Variants in THSD7B observed in about 807,000 individuals in gnomAD.
THSD7B encodes the protein thrombospondin type 1 domain containing 7B.
A neutral mutation model predicts 213.6 loss-of-function variants in THSD7B; 138 were observed. That is an observed-to-expected ratio of 0.65 (90% CI 0.56 to 0.74). The LOEUF (loss-of-function observed/expected upper bound fraction) is 0.74. Among genes scored for constraint, THSD7B ranks in the 30% least tolerant of loss-of-function variants. The probability of loss-of-function intolerance (pLI) is 0.00; values close to 1 mark genes in which losing one functional copy is unlikely to be tolerated. For missense variants in THSD7B, 1,931 were observed against 1,991.5 expected, an observed-to-expected ratio of 0.97 and a Z score of 0.58; for synonymous variants, 742 against 687.0, an observed-to-expected ratio of 1.08 and a Z score of -1.25.
At chr2:137,549,681 C>G (rs1314514514) in intron 15 of THSD7B, among the ~76,000 whole-genome samples, 4 of 151,994 alleles carry the variant, frequency 2.6e-5, no homozygotes, top group Non-Finnish European at 5.9e-5. Context: ...ATTAGGAACT[C>G]CTTATTTCCC....
At chr2:137,675,183 G>T (rs189039096) in intron 27 of THSD7B, among the ~76,000 whole-genome samples, 45 of 152,056 alleles carry the variant, frequency 3.0e-4, no homozygotes, top group African/African-American at 1.0e-3. Flanking sequence ...AGGGTGAAAT[G>T]GGGGAGGGAC....
rs756003722 is a variant in THSD7B, at chr2:137,115,286, C to T, written c.1362C>T (p.Ala454=). Residue 454 remains alanine, a synonymous_variant, in exon 5 of 28, where the codon GCC becomes GCT. Transcript: ENST00000409968. ...TACCAGCAGCTGCCGCACTGAGGGC[C>T]AAGGAAGGTAGGCAGCCAGTTCCGG... ...QSVPAAAALR[A]KEVSRPVEKA... 2 of 1,559,240 alleles carry T rather than the reference C, an allele frequency of 1.3e-6. No homozygotes were observed. The highest frequency in any genetic ancestry group is 2.8e-5 in the African/African-American group (2 of 72,472).
Position 137,160,769 on chromosome 2 carries a change from G to T in THSD7B, c.1525+401G>T, listed in dbSNP as rs911626604. 1.2e-3 allele frequency among the ~76,000 whole-genome samples: 187 copies of T among 152,120 alleles called. 1 individual carries two copies. Among genetic ancestry groups the T allele is most frequent in the Non-Finnish European group, 3.7e-4 (25 of 68,006 alleles). Reference sequence around the variant, plus strand: ...CTCCCAAGTAGCTGGGATTACAGGTGCTTGCAACCAAGCCCTGCTAATTTT... The same window carrying T: ...CTCCCAAGTAGCTGGGATTACAGGTTCTTGCAACCAAGCCCTGCTAATTTT... On this transcript the variant is annotated intron_variant, in intron 6 of 27. Coordinates refer to ENST00000409968, the MANE Select transcript of THSD7B (RefSeq NM_001316349.2).
At chr2:137,492,892 T>C (rs1311376374) in intron 15 of THSD7B, among the ~76,000 whole-genome samples, 1 of 151,706 alleles carries the variant, frequency 6.6e-6, no homozygotes, top group African/African-American at 2.4e-5. Context: ...GAGGCCGACA[T>C]GGGTATTACC....
At chr2:136,995,666 A>G (rs541798678) in intron 2 of THSD7B, among the ~76,000 whole-genome samples, 2 of 152,270 alleles carry the variant, frequency 1.3e-5, no homozygotes, top group East Asian at 1.9e-4. Flanking sequence ...GAAGAATAAG[A>G]TGGGTCAATA....
chr2:137,091,916 A>G (rs1451526291), intron 3 of THSD7B, among the ~76,000 whole-genome samples: 1 of 152,154 alleles, frequency 6.6e-6, no homozygotes, highest in Non-Finnish European at 1.5e-5. Flanking sequence ...TGCACAATAG[A>G]AAGAGGTTGT....
intron 2 of THSD7B, among the ~76,000 whole-genome samples, chr2:137,036,480 A>G (rs1413242006): frequency 1.3e-5 from 2 of 152,192 alleles, no homozygotes; most frequent in East Asian, 3.9e-4. Flanking sequence ...ATGTTGTCAA[A>G]GACTGGTTAT....
chr2:137,138,684 G>T (rs1170705935), intron 5 of THSD7B, among the ~76,000 whole-genome samples: 1 of 152,070 alleles, frequency 6.6e-6, no homozygotes, highest in Non-Finnish European at 1.5e-5. Flanking sequence ...TTTCTCTCCT[G>T]AGCAACCCAC....
chr2:137,385,647 CTT>C (rs112032310), intron 12 of THSD7B, among the ~76,000 whole-genome samples: 4,774 of 152,226 alleles, frequency 0.031, 267 homozygotes, highest in African/African-American at 0.11. Context: ...CAATTTGTGA[CTT>C]GAGCATTGGA....
chr2:137,447,348 T>C (rs1360075109), intron 14 of THSD7B, among the ~76,000 whole-genome samples: 5 of 152,104 alleles, frequency 3.3e-5, no homozygotes, highest in Non-Finnish European at 7.4e-5. Context: ...CATTCAAACA[T>C]TTAAAGTTTA....
At chr2:136,896,622 G>C (rs1245199741) in intron 2 of THSD7B, among the ~76,000 whole-genome samples, 2 of 152,004 alleles carry the variant, frequency 1.3e-5, no homozygotes, top group East Asian at 1.9e-4. Flanking sequence ...TCTTTGCCCT[G>C]TTCAGAGTCT....
At chr2:137,206,900 A>G (rs960466932) in intron 7 of THSD7B, among the ~76,000 whole-genome samples, 3 of 152,106 alleles carry the variant, frequency 2.0e-5, no homozygotes, top group Admixed American at 2.0e-4. Flanking sequence ...AAAAGCAATT[A>G]GATAAGGAAG....
intron 12 of THSD7B, among the ~76,000 whole-genome samples, chr2:137,295,860 A>G (rs190465740): frequency 8.7e-4 from 132 of 152,262 alleles, no homozygotes; most frequent in Admixed American, 1.4e-3. Flanking sequence ...TTTCATTCAT[A>G]TCTGGGACCT....
chr2:137,043,995 C>T (rs1686926808), intron 2 of THSD7B, among the ~76,000 whole-genome samples: 1 of 152,140 alleles, frequency 6.6e-6, no homozygotes, highest in African/African-American at 2.4e-5. Context: ...CTCCACGCTC[C>T]TCTAGGGTGT....
intron 2 of THSD7B, among the ~76,000 whole-genome samples, chr2:136,912,802 C>T (rs1050444836): frequency 6.6e-6 from 1 of 152,138 alleles, no homozygotes; most frequent in Admixed American, 6.5e-5. Context: ...CTGAGGCCTC[C>T]CCAGTCATGT....
At chr2:136,892,488 C>T (rs975611493) in intron 2 of THSD7B, among the ~76,000 whole-genome samples, 11 of 150,340 alleles carry the variant, frequency 7.3e-5, no homozygotes, top group African/African-American at 2.7e-4. Flanking sequence ...AACATTTTTT[C>T]TACTACCTAC....
intron 27 of THSD7B, among the ~76,000 whole-genome samples, chr2:137,670,730 T>G (rs1051333832): frequency 2.8e-4 from 43 of 151,970 alleles, no homozygotes; most frequent in Non-Finnish European, 5.0e-4. Flanking sequence ...GACCATCCTA[T>G]CTAACACAGT....
intron 15 of THSD7B, among the ~76,000 whole-genome samples, chr2:137,496,445 C>T (rs1679568659): frequency 6.6e-6 from 1 of 152,136 alleles, no homozygotes; most frequent in Non-Finnish European, 1.5e-5. Flanking sequence ...CAATAATGGG[C>T]CTATTTTCTA....
intron 12 of THSD7B, among the ~76,000 whole-genome samples, chr2:137,313,059 C>A (rs1683961172): frequency 6.6e-6 from 1 of 151,120 alleles, no homozygotes; most frequent in South Asian, 2.1e-4. Flanking sequence ...TCCTGGGTAT[C>A]CTTGTTGACT....
Sources: allele counts gnomAD v4.1 joint callset (sites outside exome capture counted in the v4.1 genomes callset), GRCh38; gene constraint gnomAD v4.1.1; transcripts MANE v1.5; gene names NCBI Gene and HGNC (gene_info 2026-07-23, HGNC 2026-07-21).